The following SOX6 variants were observed in gnomAD, a reference collection of about 807,000 sequenced individuals.
SOX6 encodes the protein SRY-box transcription factor 6.
SOX6 carries 11 observed loss-of-function variants against 97.8 expected under a neutral mutation model. That is an observed-to-expected ratio of 0.11 (90% confidence interval 0.07 to 0.19). The LOEUF is 0.19. Among genes scored for constraint, SOX6 ranks in the 10% least tolerant of loss-of-function variants. The pLI is 1.00. For synonymous variants in SOX6, 360 were observed against 371.4 expected (o/e 0.97, Z 0.35); for missense variants, 810 against 1,039.5 (o/e 0.78, Z 3.04).
intron 3 of SOX6, among the ~76,000 whole-genome samples, chr11:16,647,562 C>T (rs1339592013): frequency 6.6e-6 from 1 of 152,106 alleles, no homozygotes; most frequent in African/African-American, 2.4e-5. Flanking sequence ...GACTCACACC[C>T]TGATCTTTTG....
intron 3 of SOX6, among the ~76,000 whole-genome samples, chr11:16,265,036 C>G: frequency 6.6e-6 from 1 of 151,732 alleles, no homozygotes; most frequent in South Asian, 2.1e-4. Flanking sequence ...TCAGGTAAAG[C>G]CTATTTTCCA....
intron 2 of SOX6, among the ~76,000 whole-genome samples, chr11:16,326,003 A>G (rs1268831832): frequency 6.6e-6 from 1 of 152,144 alleles, no homozygotes; most frequent in Non-Finnish European, 1.5e-5. Context: ...TGGTGCCTTG[A>G]TCTTGGACTT....
chr11:16,573,404 T>C (rs1336966245), intron 4 of SOX6, among the ~76,000 whole-genome samples: 3 of 152,224 alleles, frequency 2.0e-5, no homozygotes, highest in African/African-American at 7.2e-5. Context: ...AGGCCTTTGA[T>C]GTTTAAAAAG....
At chr11:16,393,581 G>C (rs1590182458) in intron 1 of SOX6, among the ~76,000 whole-genome samples, 1 of 151,972 alleles carries the variant, frequency 6.6e-6, no homozygotes, top group Non-Finnish European at 1.5e-5. Context: ...GGCTTCATTT[G>C]AGCCACAGCT....
chr11:16,686,695 T>A (rs1396102963), intron 3 of SOX6, among the ~76,000 whole-genome samples: 1 of 152,240 alleles, frequency 6.6e-6, no homozygotes, highest in Non-Finnish European at 1.5e-5. Context: ...ACTCTTCCAA[T>A]CTCTGCTCAT....
intron 4 of SOX6, among the ~76,000 whole-genome samples, chr11:16,201,106 A>G (rs1013072576): frequency 6.9e-6 from 1 of 144,758 alleles, no homozygotes; most frequent in Non-Finnish European, 1.5e-5. Context: ...ACAGAGTGAG[A>G]CTCCGTCTCA....
At chr11:16,615,705 C>A (rs1848463542) in intron 3 of SOX6, among the ~76,000 whole-genome samples, 1 of 152,254 alleles carries the variant, frequency 6.6e-6, no homozygotes, top group Admixed American at 6.5e-5. Flanking sequence ...CAATACCAGA[C>A]CTAATATTTT....
At chr11:16,702,947 T>A (rs1031612411) in intron 3 of SOX6, among the ~76,000 whole-genome samples, 1 of 149,426 alleles carries the variant, frequency 6.7e-6, no homozygotes, top group African/African-American at 2.4e-5. Context: ...CCTTCATATG[T>A]ATATATATAT....
At chr11:16,513,601 C>A (rs1860914894) in intron 4 of SOX6, among the ~76,000 whole-genome samples, 1 of 152,146 alleles carries the variant, frequency 6.6e-6, no homozygotes, top group Non-Finnish European at 1.5e-5. Context: ...CCACTGCACT[C>A]CAGCCTGGGC....
intron 1 of SOX6, among the ~76,000 whole-genome samples, chr11:16,394,939 CT>C (rs1858302751): frequency 6.6e-6 from 1 of 151,858 alleles, no homozygotes; most frequent in African/African-American, 2.4e-5. Flanking sequence ...TGAAGAAAAG[CT>C]GTTAAATGTT....
rs1010194926 is a variant in SOX6 at position 16,367,986 on chromosome 11, A to T, written c.-4-26734T>A. On this transcript the variant is annotated intron_variant, in intron 1 of 15. Coordinates refer to the SOX6 transcript ENST00000396356. ...TTTTTTCTCATAGTTATAACAAAAC[A>T]TTATTAATCTCATTATTCAGGGACT... Among the ~76,000 whole-genome samples, 5 of 152,270 alleles carry T rather than the reference A, an allele frequency of 3.3e-5. No individual in the cohort carries two copies. The East Asian group carries it at 7.7e-4, about 24-fold the overall frequency.
In SOX6 at chr11:15,972,767, G is replaced by T. The variant is rs181290655; in HGVS notation, c.*42C>A. ...TTAATAACTCTTTGTTGGGGAGGGG[G>T]GTGAAATGTCAGAGTACTTTAATTC... On this transcript the variant is annotated 3_prime_UTR_variant, in exon 16 of 16. Transcript: ENST00000683767. The T allele has an allele frequency of 1.2e-6, 2 of 1,603,914 alleles. No homozygotes were observed. Among genetic ancestry groups the T allele is most frequent in the East Asian group, 2.2e-5 (1 of 44,790 alleles).
At chr11:16,705,494 G>A (rs1848125093) in intron 3 of SOX6, among the ~76,000 whole-genome samples, 1 of 152,070 alleles carries the variant, frequency 6.6e-6, no homozygotes, top group South Asian at 2.1e-4. Context: ...AGGCATAGTG[G>A]CATGTACCTG....
chr11:16,323,483 T>C (rs1187745081), intron 2 of SOX6, among the ~76,000 whole-genome samples: 2 of 152,180 alleles, frequency 1.3e-5, no homozygotes, highest in East Asian at 1.9e-4. Context: ...TCTCATGGTA[T>C]TGAATATATC....
chr11:16,260,999 T>A (rs974138967), intron 3 of SOX6, among the ~76,000 whole-genome samples: 4 of 152,188 alleles, frequency 2.6e-5, no homozygotes, highest in African/African-American at 9.6e-5. Flanking sequence ...GTCTGAAACA[T>A]TCAACCACTC....
At chr11:16,378,892 A>AC (rs1400316774) in intron 1 of SOX6, among the ~76,000 whole-genome samples, 2 of 152,144 alleles carry the variant, frequency 1.3e-5, no homozygotes, top group Non-Finnish European at 2.9e-5. Context: ...AGAATTAATT[A>AC]CCCATTAGAA....
intron 3 of SOX6, among the ~76,000 whole-genome samples, chr11:16,264,176 C>G (rs1853996597): frequency 6.6e-6 from 1 of 151,794 alleles, no homozygotes; most frequent in Middle Eastern, 3.2e-3. Context: ...ATCCATTCTA[C>G]CCTACTCACA....
intron 4 of SOX6, among the ~76,000 whole-genome samples, chr11:16,229,227 G>C (rs1852776998): frequency 6.6e-6 from 1 of 151,850 alleles, no homozygotes; most frequent in Admixed American, 6.6e-5. Context: ...TATAAATGTT[G>C]AATATTTAGA....
intron 2 of SOX6, among the ~76,000 whole-genome samples, chr11:16,337,344 T>G (rs1276456338): frequency 6.6e-6 from 1 of 152,194 alleles, no homozygotes; most frequent in African/African-American, 2.4e-5. Flanking sequence ...TAAGTTTATC[T>G]GTCCTTTCTA....
Sources: gnomAD v4.1 joint callset for allele counts (sites outside exome capture counted in the v4.1 genomes callset) on GRCh38, gnomAD v4.1.1 for gene constraint, MANE v1.5 for transcripts, NCBI Gene and HGNC (gene_info 2026-07-23, HGNC 2026-07-21) for gene names.